The following LARP1B variants were observed in gnomAD, a reference collection of about 807,000 sequenced individuals.
LARP1B encodes the protein la-related protein 1B.
In LARP1B, 76 loss-of-function variants were observed where a neutral mutation model predicts 114.2. The ratio of observed to expected loss-of-function variants is 0.67; its 90% CI spans 0.55 to 0.81. LARP1B has a LOEUF of 0.81. Among genes scored for constraint, LARP1B ranks in the 30% least tolerant of loss-of-function variants. LARP1B has a pLI of 0.00. For missense variants in LARP1B, 1,014 were observed against 1,075.8 expected (o/e 0.94, Z 0.80); for synonymous variants, 345 against 348.0 (o/e 0.99, Z 0.10).
rs1402491742 is a variant in LARP1B, at chr4:128,211,583, G to T, written c.*1530G>T. ...ATTTATTTAGATATATTGTAAAGAG[G>T]GTGCAAAACAAGCAATGGGTTAGAA... On this transcript the variant is annotated 3_prime_UTR_variant, in exon 20 of 20. Coordinates refer to ENST00000326639, the MANE Select transcript of LARP1B (RefSeq NM_018078.4). 2.1e-6 allele frequency: 2 copies of T among 940,280 alleles called. No individual in the cohort carries two copies. Among genetic ancestry groups the T allele is most frequent in the Admixed American group, 6.2e-5 (1 of 16,176 alleles). 58.2% of individuals were successfully genotyped at this position (940,280 alleles called of 1,614,324 possible).
At chr4:128,154,795 G>A (rs1019463838) in intron 11 of LARP1B, among the ~76,000 whole-genome samples, 6 of 151,940 alleles carry the variant, frequency 3.9e-5, no homozygotes, top group Admixed American at 6.6e-5. Context: ...TTTTTGAGAC[G>A]GAGTTTTTTG....
At chr4:128,135,318 C>A (rs2150146199) in intron 11 of LARP1B, among the ~76,000 whole-genome samples, 1 of 152,134 alleles carries the variant, frequency 6.6e-6, no homozygotes, top group South Asian at 2.1e-4. Context: ...TGCGAACTCT[C>A]ATGTGAATGT....
chr4:128,061,946 C>G, intron 1 of LARP1B: 1 of 985,226 alleles, frequency 1.0e-6, no homozygotes, highest in Non-Finnish European at 1.2e-6. Context: ...CGTGAGGCCC[C>G]TGGCGCTGCA....
intron 12 of LARP1B, among the ~76,000 whole-genome samples, chr4:128,176,183 TA>T (rs1391981923): frequency 3.5e-5 from 5 of 143,154 alleles, no homozygotes; most frequent in Admixed American, 1.4e-4. Flanking sequence ...TATATAAATA[TA>T]TAAATATATT....
intron 11 of LARP1B, among the ~76,000 whole-genome samples, chr4:128,148,291 C>T (rs1285800988): frequency 1.3e-5 from 2 of 151,824 alleles, no homozygotes; most frequent in Admixed American, 6.6e-5. Flanking sequence ...ACTAGCTGGG[C>T]GTGGTGGTGG....
In LARP1B at chr4:128,091,003, T is replaced by C; in HGVS notation, c.361T>C (p.Trp121Arg). ...HNNRRNDTRS[W>R]KRDREKRDDQ... ...AAAAATATTTTTATTTTTAAAAGGT[T>C]GGAAGCGAGATAGAGAAAAAAGGGA... The change falls in exon 6 of 20, where the codon TGG (tryptophan) becomes CGG (arginine). Residue 121 changes from tryptophan (W) to arginine (R), a missense_variant and splice_region_variant. Transcript: ENST00000326639. The C allele has an allele frequency of 6.2e-7, 1 of 1,601,262 alleles. No homozygotes were observed. The highest frequency in any genetic ancestry group is 8.5e-7 in the Non-Finnish European group (1 of 1,171,592).
chr4:128,078,975 C>A (rs763012034), intron 4 of LARP1B, among the ~76,000 whole-genome samples: 2 of 152,052 alleles, frequency 1.3e-5, no homozygotes, highest in African/African-American at 2.4e-5. Context: ...AACCATTGAA[C>A]CAAGATTCTC....
At chr4:128,062,330 C>G in intron 1 of LARP1B, 2 of 928,334 alleles carry the variant, frequency 2.2e-6, no homozygotes, top group Non-Finnish European at 2.6e-6. Flanking sequence ...AACGGCAGGC[C>G]TCCCCTCCCT....
chr4:128,181,214 C>T (rs1287514148), intron 15 of LARP1B, among the ~76,000 whole-genome samples: 1 of 145,074 alleles, frequency 6.9e-6, no homozygotes, highest in Non-Finnish European at 1.5e-5. Flanking sequence ...GACTGAGTCT[C>T]ACTCTGTCTC....
chr4:128,152,690 T>C (rs1307402248), intron 11 of LARP1B, among the ~76,000 whole-genome samples: 3 of 151,858 alleles, frequency 2.0e-5, no homozygotes, highest in Non-Finnish European at 4.4e-5. Context: ...TTTAATTTTC[T>C]CCCTTTTTAG....
chr4:128,092,668 T>A, intron 7 of LARP1B: 4 of 549,840 alleles, frequency 7.3e-6, no homozygotes, highest in Non-Finnish European at 9.3e-6. Context: ...CTAGAAAATT[T>A]CTTTATCATC....
At chr4:128,069,698 T>G in intron 1 of LARP1B, 1 of 384,228 alleles carries the variant, frequency 2.6e-6, no homozygotes, top group Non-Finnish European at 4.7e-6. Context: ...AATCCCTTAC[T>G]TGTATTTATG....
intron 5 of LARP1B, among the ~76,000 whole-genome samples, chr4:128,085,542 A>C (rs1299332538): frequency 6.6e-6 from 1 of 151,742 alleles, no homozygotes; most frequent in Non-Finnish European, 1.5e-5. Context: ...ATTAAAAAAA[A>C]AGTTTTCTTT....
intron 6 of LARP1B, among the ~76,000 whole-genome samples, chr4:128,219,712 G>T (rs1055353377): frequency 8.9e-5 from 13 of 145,964 alleles, no homozygotes; most frequent in African/African-American, 2.3e-4. Context: ...GCGTTAGTGG[G>T]TGCAGCGCAC....
chr4:128,201,088 C>T (rs79703917), intron 17 of LARP1B, among the ~76,000 whole-genome samples: 2,661 of 152,254 alleles, frequency 0.017, 63 homozygotes, highest in East Asian at 0.1. Context: ...GGCTTCAGTT[C>T]CTTGCCACAC....
intron 11 of LARP1B, among the ~76,000 whole-genome samples, chr4:128,139,746 T>C (rs1431482391): frequency 2.0e-5 from 3 of 152,030 alleles, no homozygotes; most frequent in African/African-American, 7.2e-5. Context: ...ACTGAGAACA[T>C]GAAAAGATGT....
rs1775871871 is a variant in LARP1B, at chr4:128,091,384, TG to T, written c.541del (p.Glu181LysfsTer15). The T allele has an allele frequency of 6.2e-7, 1 of 1,612,440 alleles. No individual in the cohort carries two copies. On this transcript the variant is annotated frameshift_variant, in exon 7 of 20. Coordinates refer to ENST00000326639, the MANE Select transcript of LARP1B (RefSeq NM_018078.4). LOFTEE classifies it high-confidence loss of function. ...DYSYGYQEHG[E>X]RTDQPFQTEL... ...ATTCATATGGTTATCAAGAACATGG[TG>T]AAAGGACTGATCAACCATTTCAAAC...
At chr4:128,209,562 A>T (rs1295573443) in intron 19 of LARP1B, among the ~76,000 whole-genome samples, 1 of 152,196 alleles carries the variant, frequency 6.6e-6, no homozygotes, top group African/African-American at 2.4e-5. Context: ...TTAGTTAGGA[A>T]GGAAATTTAA....
In LARP1B at chr4:128,178,535, C is replaced by G; in HGVS notation, c.1789C>G (p.His597Asp). The G allele has an allele frequency of 6.2e-7, 1 of 1,613,950 alleles. No individual in the cohort carries two copies. Among genetic ancestry groups the G allele is most frequent in the Non-Finnish European group, 8.5e-7 (1 of 1,179,872 alleles). Reference sequence around the variant, plus strand: ...AGCAGTTCCAGAATCTCCTAGAATTCATCCTACAAGAACACCCAAAACACC... The same window carrying G: ...AGCAGTTCCAGAATCTCCTAGAATTGATCCTACAAGAACACCCAAAACACC... Reference protein sequence around the residue: ...PTAVPESPRIHPTRTPKTPRT... With the variant: ...PTAVPESPRIDPTRTPKTPRT... The change falls in exon 14 of 20, where the codon CAT becomes GAT. Residue 597 changes from histidine (H) to aspartate (D), a missense_variant. Coordinates refer to ENST00000326639, the MANE Select transcript of LARP1B (RefSeq NM_018078.4).
Sources: allele counts gnomAD v4.1 joint callset (sites outside exome capture counted in the v4.1 genomes callset), GRCh38; gene constraint gnomAD v4.1.1; transcripts MANE v1.5; gene names NCBI Gene and HGNC (gene_info 2026-07-23, HGNC 2026-07-21).